The following LIMS2 variants were observed in gnomAD, a reference collection of about 807,000 sequenced individuals.
LIMS2 encodes the protein LIM zinc finger domain containing 2, also known as LIM and senescent cell antigen-like-containing domain protein 2.
Under a neutral mutation model 45.3 loss-of-function variants are expected in LIMS2, and 30 were observed. The ratio of observed to expected loss-of-function variants is 0.66; its 90% CI spans 0.50 to 0.90. The LOEUF (loss-of-function observed/expected upper bound fraction) is 0.90. Ranked by LOEUF, LIMS2 falls within the 40% of genes least tolerant of loss-of-function variation. The probability of loss-of-function intolerance (pLI) is 0.00; values close to 1 mark genes in which losing one functional copy is unlikely to be tolerated. For synonymous variants in LIMS2, 173 were observed against 188.0 expected, an observed-to-expected ratio of 0.92 and a Z score of 0.65; for missense variants, 485 against 468.7, an observed-to-expected ratio of 1.03 and a Z score of -0.32.
Position 127,667,520 on chromosome 2 carries a change from A to G in LIMS2, c.11+7494T>C, listed in dbSNP as rs1181288712. Among the ~76,000 whole-genome samples the G allele has an allele frequency of 6.6e-6, 1 of 152,256 alleles. No individual in the cohort carries two copies. The highest frequency in any genetic ancestry group is 1.5e-5 in the Non-Finnish European group (1 of 68,046). ...ACCGTGACCAAATGGGATTTATCCC[A>G]AGAACATAGGGTTGGTTTCACATCC... On this transcript the variant is annotated intron_variant, in intron 1 of 9. Coordinates refer to ENST00000355119, the MANE Select transcript of LIMS2 (RefSeq NM_001161403.3). This position sits in a 1 kb window ranked among gnomAD's most constrained non-coding sequence, Gnocchi z 4.1.
rs1683996356 is a variant in LIMS2 at position 127,653,372 on chromosome 2, G to A, written c.359+1052C>T. 1.3e-5 allele frequency among the ~76,000 whole-genome samples: 2 copies of A among 152,226 alleles called. No individual in the cohort carries two copies. The highest frequency in any genetic ancestry group is 6.5e-5 in the Admixed American group (1 of 15,286). On this transcript the variant is annotated intron_variant, in intron 4 of 9. Coordinates refer to ENST00000355119, the MANE Select transcript of LIMS2 (RefSeq NM_001161403.3). The surrounding 1 kb of genome is among the most constrained non-coding windows in gnomAD (Gnocchi z 5.3). ...GGTCAGTGGAGGAGAATCCCAAACT[G>A]CTTGTGCCTCATTGCGTTTGGGATG...
In LIMS2 at chr2:127,650,965, A is replaced by G. The variant is rs200918844; in HGVS notation, c.359+3459T>C. On this transcript the variant is annotated intron_variant, in intron 4 of 9. Coordinates refer to ENST00000355119, the MANE Select transcript of LIMS2 (RefSeq NM_001161403.3). ...TTCCTGATGCATCTGGCCGTGGCCG[A>G]CTTGTCGTGCGTGCTGGTCCTGCCC... 2.5e-6 allele frequency: 4 copies of G among 1,613,782 alleles called. No individual in the cohort carries two copies. In the Admixed American group the frequency reaches 6.7e-5, roughly 27 times the overall value.
At chr2:127,660,801 G>C (rs1684588947) in intron 1 of LIMS2, among the ~76,000 whole-genome samples, 1 of 152,028 alleles carries the variant, frequency 6.6e-6, no homozygotes, top group African/African-American at 2.4e-5. Context: ...CTACCTTCCG[G>C]CTCATCTTCC....
At chr2:127,643,444 G>A (rs1051138622) in intron 4 of LIMS2, 3 of 458,830 alleles carry the variant, frequency 6.5e-6, no homozygotes, top group African/African-American at 4.0e-5. Context: ...TATAATGAGT[G>A]TCACTGTGCC....
At chr2:127,666,799 G>A (rs1167092064) in intron 1 of LIMS2, among the ~76,000 whole-genome samples, 3 of 152,148 alleles carry the variant, frequency 2.0e-5, no homozygotes, top group Non-Finnish European at 4.4e-5. Flanking sequence ...GTGGCAGGAA[G>A]AAATACCAAG....
At chr2:127,662,598 G>A (rs985298395) in intron 1 of LIMS2, among the ~76,000 whole-genome samples, 4 of 136,858 alleles carry the variant, frequency 2.9e-5, no homozygotes, top group Admixed American at 8.2e-5. Flanking sequence ...ATGGACACAG[G>A]AAGGGGAACA....
rs143105008 is a variant in LIMS2 at position 127,643,103 on chromosome 2, C to A, written c.360-31G>T. ...GGAGGCGGGGGCATTAGGGGCAGAG[C>A]CCCCACTCCCACACAGCCTGGCCAC... On this transcript the variant is annotated intron_variant, in intron 4 of 9. Transcript: ENST00000355119. 1.4e-5 allele frequency: 21 copies of A among 1,544,386 alleles called. No individual in the cohort carries two copies. In the African/African-American group the frequency reaches 1.9e-4, roughly 14 times the overall value.
rs904331657 is a variant in LIMS2 at position 127,642,595 on chromosome 2, C to T, written c.509+328G>A. 2.5e-6 allele frequency: 1 copy of T among 395,100 alleles called. No individual in the cohort carries two copies. The highest frequency in any genetic ancestry group is 4.6e-5 in the East Asian group (1 of 21,938). 24.5% of individuals were successfully genotyped at this position (395,100 alleles called of 1,614,324 possible). On this transcript the variant is annotated intron_variant, in intron 5 of 9. Coordinates refer to ENST00000355119, the MANE Select transcript of LIMS2 (RefSeq NM_001161403.3). This position sits in a 1 kb window ranked among gnomAD's most constrained non-coding sequence, Gnocchi z 5.3. ...CTCTCTCCAACACCAGCACCAAGCCCACTCCCGGTCTCTTGCCCTGCCCCC... is the reference window on the plus strand; with the variant it reads ...CTCTCTCCAACACCAGCACCAAGCCTACTCCCGGTCTCTTGCCCTGCCCCC...
At position 127,675,123 on chromosome 2, in the gene LIMS2, C is replaced by CG; in HGVS notation, c.-100dup. On this transcript the variant is annotated 5_prime_UTR_variant, in exon 1 of 10. Transcript: ENST00000355119. ...AGCGCCCGCCCGCCAGCCCGGGCCG[C>CG]GGAGCAGGGAGACGCCCAAAAAAGG... The CG allele has an allele frequency of 9.6e-7, 1 of 1,040,004 alleles. No individual in the cohort carries two copies. Among genetic ancestry groups the CG allele is most frequent in the South Asian group, 4.6e-5 (1 of 21,718 alleles). The allele number at this position is 1,040,004 out of a possible 1,614,324, so 64.4% of individuals were successfully genotyped here.
At position 127,663,223 on chromosome 2, in the gene LIMS2, G is replaced by A. The variant is rs551563214; in HGVS notation, c.12-5661C>T. 2.6e-5 allele frequency among the ~76,000 whole-genome samples: 4 copies of A among 152,310 alleles called. No homozygotes were observed. The South Asian group carries it at 6.2e-4, about 24-fold the overall frequency. On this transcript the variant is annotated intron_variant, in intron 1 of 9. Coordinates refer to ENST00000355119, the MANE Select transcript of LIMS2 (RefSeq NM_001161403.3). ...AGTTATGCCACACGCATCCAGGGCT[G>A]TCCAGAGGTTGACCAGGGAGGGTGC... is the stretch of plus-strand genomic sequence containing the variant.
Position 127,640,877 on chromosome 2 carries a change from G to A in LIMS2, c.753+19C>T, listed in dbSNP as rs1340186181. 5 of 1,609,654 alleles carry A rather than the reference G, an allele frequency of 3.1e-6. 1 individual carries two copies. The highest frequency in any genetic ancestry group is 2.2e-5 in the East Asian group (1 of 44,874). On this transcript the variant is annotated intron_variant, in intron 7 of 9. Coordinates refer to ENST00000355119, the MANE Select transcript of LIMS2 (RefSeq NM_001161403.3). ...ACCCCTCCAGACCCGCATCCCTGAA[G>A]GTTCTGCACCGGGCTCACCTGGTTG... is the stretch of plus-strand genomic sequence containing the variant.
In LIMS2 at chr2:127,654,526, C is replaced by T. The variant is rs749119945; in HGVS notation, c.257G>A (p.Arg86His). The change falls in exon 4 of 10, where the codon CGC becomes CAC. Residue 86 changes from arginine (R) to histidine (H), a missense_variant. Physicochemically the swap from Arg to His is conservative, Grantham distance 29. Transcript: ENST00000355119. ...CGSCGEFIIG[R>H]VIKAMNNNWH... ...GTTGTTGTTCATGGCCTTGATGACG[C>T]GGCCAATGATGAACTCACCTGGAAG... The T allele has an allele frequency of 8.3e-5, 134 of 1,613,994 alleles. No homozygotes were observed. Among genetic ancestry groups the T allele is most frequent in the Non-Finnish European group, 1.1e-4 (127 of 1,180,014 alleles).
At chr2:127,645,489 C>A (rs1443422635) in intron 4 of LIMS2, among the ~76,000 whole-genome samples, 1 of 152,200 alleles carries the variant, frequency 6.6e-6, no homozygotes, top group African/African-American at 2.4e-5. Context: ...CCCAGGCCAG[C>A]GGTCAGATTC....
rs1239907633 is a variant in LIMS2 at position 127,675,254 on chromosome 2, G to C, written c.-230C>G. On this transcript the variant is annotated 5_prime_UTR_variant, in exon 1 of 10. Coordinates refer to ENST00000355119, the MANE Select transcript of LIMS2 (RefSeq NM_001161403.3). The stretch of plus-strand genomic sequence containing the variant: ...AAGGCTGAGGGTGGTGGGGGTGTTG[G>C]GGAGGTGACGGTGGGAGGTTGCGGG... 3.8e-6 allele frequency: 1 copy of C among 264,986 alleles called. No individual in the cohort carries two copies. Among genetic ancestry groups the C allele is most frequent in the African/African-American group, 2.4e-5 (1 of 41,234 alleles). 16.4% of individuals were successfully genotyped at this position (264,986 alleles called of 1,614,324 possible). A position where few individuals can be genotyped will look rare whatever the true frequency, so the allele number is the denominator to read the frequency against.
intron 4 of LIMS2, among the ~76,000 whole-genome samples, chr2:127,649,100 AAAG>A (rs1366432502): frequency 6.6e-6 from 1 of 150,984 alleles, no homozygotes; most frequent in Non-Finnish European, 1.5e-5. Flanking sequence ...AGAAAAAAGA[AAAG>A]AAAAAAGGAA....
chr2:127,673,689 T>G (rs958753685), intron 1 of LIMS2: 2 of 1,551,472 alleles, frequency 1.3e-6, no homozygotes, highest in Non-Finnish European at 1.7e-6. Flanking sequence ...TCCACCTCAA[T>G]GCTGCTGCTG....
intron 4 of LIMS2, chr2:127,649,840 C>T (rs564877127): frequency 1.9e-4 from 117 of 614,910 alleles, no homozygotes; most frequent in African/African-American, 1.6e-3. Context: ...GCTGCAGATC[C>T]GTCCTCAACA....
Position 127,664,297 on chromosome 2 carries a change from G to T in LIMS2, c.12-6735C>A. ...GTCCCCGCCACCCGCCCCGCCCCTG[G>T]CCACCTACCCCGTGGCTGGCGGCGG... On this transcript the variant is annotated intron_variant, in intron 1 of 9. Coordinates refer to ENST00000355119, the MANE Select transcript of LIMS2 (RefSeq NM_001161403.3). The surrounding 1 kb of genome is among the most constrained non-coding windows in gnomAD (Gnocchi z 5.5). 8.1e-7 allele frequency: 1 copy of T among 1,236,992 alleles called. No individual in the cohort carries two copies. The highest frequency in any genetic ancestry group is 1.0e-6 in the Non-Finnish European group (1 of 991,036). The allele number at this position is 1,236,992 out of a possible 1,614,324, so 76.6% of individuals were successfully genotyped here.
rs1413530699 is a variant in LIMS2, at chr2:127,638,862, G to C, written c.*419C>G. 5.6e-6 allele frequency: 1 copy of C among 177,406 alleles called. No homozygotes were observed. 11.0% of individuals were successfully genotyped at this position (177,406 alleles called of 1,614,324 possible). ...CAGCAGGCTGCCCTGGCTGTGGGTA[G>C]CCCAGGAGCCACATGCGCTTAGTGG... On this transcript the variant is annotated 3_prime_UTR_variant, in exon 10 of 10. Transcript: ENST00000355119.
Sources: allele counts gnomAD v4.1 joint callset (sites outside exome capture counted in the v4.1 genomes callset), GRCh38; gene constraint gnomAD v4.1.1; non-coding constraint Gnocchi (gnomAD v3.1); transcripts MANE v1.5; gene names NCBI Gene and HGNC (gene_info 2026-07-23, HGNC 2026-07-21).